Variants in MGAT4C observed in about 807,000 individuals in gnomAD.
The protein encoded by MGAT4C is alpha-1,3-mannosyl-glycoprotein 4-beta-N-acetylglucosaminyltransferase C.
MGAT4C carries 19 observed loss-of-function variants against 40.1 expected under a neutral mutation model. The ratio of observed to expected loss-of-function variants is 0.47; its 90% CI spans 0.33 to 0.70. The LOEUF (loss-of-function observed/expected upper bound fraction) is 0.70. MGAT4C is among the 30% of genes least tolerant of loss of function. The probability of loss-of-function intolerance (pLI) is 0.02; values close to 1 mark genes in which losing one functional copy is unlikely to be tolerated. For missense variants in MGAT4C, 491 were observed against 563.2 expected (o/e 0.87, Z 1.30); for synonymous variants, 181 against 187.1 (o/e 0.97, Z 0.27).
chr12:86,654,022 C>T (rs950315061), intron 2 of MGAT4C, among the ~76,000 whole-genome samples: 4 of 151,668 alleles, frequency 2.6e-5, no homozygotes, highest in African/African-American at 4.8e-5. Context: ...GAATACATTG[C>T]CATTTTTGCC....
At chr12:86,264,848 C>G (rs1952746266) in intron 4 of MGAT4C, among the ~76,000 whole-genome samples, 1 of 152,202 alleles carries the variant, frequency 6.6e-6, no homozygotes, top group South Asian at 2.1e-4. Flanking sequence ...CTGTCACAAA[C>G]CCAGTCGGCT....
At chr12:86,610,156 A>G (rs1377278490) in intron 2 of MGAT4C, among the ~76,000 whole-genome samples, 1 of 152,182 alleles carries the variant, frequency 6.6e-6, no homozygotes, top group Non-Finnish European at 1.5e-5. Flanking sequence ...AACAAATGCC[A>G]CAATTTGTGA....
chr12:86,110,293 AG>A (rs1565995986), intron 1 of MGAT4C, among the ~76,000 whole-genome samples: 10 of 10,060 alleles, frequency 9.9e-4, no homozygotes, highest in African/African-American at 1.4e-3. Flanking sequence ...ATATATATAT[AG>A]TCTCTCTATA....
intron 3 of MGAT4C, among the ~76,000 whole-genome samples, chr12:85,985,120 G>A (rs997915819): frequency 1.3e-5 from 2 of 152,144 alleles, no homozygotes; most frequent in African/African-American, 4.8e-5. Context: ...AGTCAAGCTA[G>A]GCATGTGCTA....
chr12:86,652,735 T>C (rs1450192659), intron 2 of MGAT4C, among the ~76,000 whole-genome samples: 1 of 151,954 alleles, frequency 6.6e-6, no homozygotes, highest in African/African-American at 2.4e-5. Flanking sequence ...GAGGAAAATT[T>C]AAATGCATAG....
chr12:86,431,804 C>A (rs1445548094), intron 3 of MGAT4C, among the ~76,000 whole-genome samples: 1 of 152,070 alleles, frequency 6.6e-6, no homozygotes, highest in Admixed American at 6.6e-5. Context: ...CACCTTCGCA[C>A]CATTGTACAC....
intron 4 of MGAT4C, among the ~76,000 whole-genome samples, chr12:86,269,773 G>T (rs7138786): frequency 0.07 from 10,715 of 152,090 alleles, 916 homozygotes; most frequent in East Asian, 0.25. Flanking sequence ...ATGGAGGAAA[G>T]AATGCATAAA....
chr12:86,271,016 T>TA (rs1302241703), intron 4 of MGAT4C, among the ~76,000 whole-genome samples: 3 of 152,022 alleles, frequency 2.0e-5, no homozygotes. Flanking sequence ...ACAATTAACT[T>TA]ACAACAAATT....
chr12:86,296,169 G>C (rs61950693), intron 4 of MGAT4C, among the ~76,000 whole-genome samples: 2 of 150,006 alleles, frequency 1.3e-5, no homozygotes, highest in African/African-American at 2.5e-5. Flanking sequence ...CCCTGAGCTA[G>C]ACATAAAGGT....
rs571249057 is a variant in MGAT4C at position 86,484,884 on chromosome 12, C to T, written c.-228-49619G>A. 8.5e-5 allele frequency among the ~76,000 whole-genome samples: 13 copies of T among 152,254 alleles called. No individual in the cohort carries two copies. The East Asian group carries it at 2.3e-3, about 27-fold the overall frequency. ...TTCCCCAGCCCACCAAAAAGCACCA[C>T]TGTGAATTCAATGAAATACAATATA... On this transcript the variant is annotated intron_variant, in intron 2 of 7. Coordinates refer to the MGAT4C transcript ENST00000548651.
At chr12:86,632,995 G>T (rs945000446) in intron 2 of MGAT4C, among the ~76,000 whole-genome samples, 1 of 151,758 alleles carries the variant, frequency 6.6e-6, no homozygotes, top group Non-Finnish European at 1.5e-5. Flanking sequence ...TTTATTATGG[G>T]TACTATATTG....
intron 1 of MGAT4C, among the ~76,000 whole-genome samples, chr12:86,799,889 G>C (rs1952195590): frequency 6.6e-6 from 1 of 151,838 alleles, no homozygotes; most frequent in African/African-American, 2.4e-5. Context: ...TGTCTCTCTT[G>C]AATTTGAGAG....
chr12:86,164,996 T>C (rs1416788137), intron 1 of MGAT4C, among the ~76,000 whole-genome samples: 1 of 152,172 alleles, frequency 6.6e-6, no homozygotes, highest in Non-Finnish European at 1.5e-5. Flanking sequence ...CTGGGACATA[T>C]GGTTGTTAAA....
intron 1 of MGAT4C, among the ~76,000 whole-genome samples, chr12:86,054,392 G>A (rs1893191081): frequency 6.6e-6 from 1 of 151,914 alleles, no homozygotes; most frequent in Non-Finnish European, 1.5e-5. Flanking sequence ...AAAAGTAAAG[G>A]ACAGTAGGAT....
chr12:86,193,445 A>T (rs1889745870), intron 1 of MGAT4C, among the ~76,000 whole-genome samples: 1 of 151,772 alleles, frequency 6.6e-6, no homozygotes, highest in African/African-American at 2.4e-5. Flanking sequence ...ATGCATTTTA[A>T]TTTTATATTT....
intron 1 of MGAT4C, among the ~76,000 whole-genome samples, chr12:86,737,827 G>T (rs1951010747): frequency 6.6e-6 from 1 of 150,832 alleles, no homozygotes; most frequent in East Asian, 2.0e-4. Flanking sequence ...AATACTACTG[G>T]CATTTCTTTC....
chr12:86,820,775 A>C (rs1224286087), intron 1 of MGAT4C, among the ~76,000 whole-genome samples: 1 of 150,928 alleles, frequency 6.6e-6, no homozygotes, highest in Non-Finnish European at 1.5e-5. Context: ...TGTGAAGGAT[A>C]TATTTGAGGA....
At chr12:86,015,471 G>A (rs1015977547) in intron 2 of MGAT4C, among the ~76,000 whole-genome samples, 1 of 152,120 alleles carries the variant, frequency 6.6e-6, no homozygotes, top group African/African-American at 2.4e-5. Context: ...GAAGGCAGAG[G>A]TCTGGCATCC....
intron 1 of MGAT4C, among the ~76,000 whole-genome samples, chr12:86,191,788 G>GTGTGTGTGTGTGTGTGTGTGTGT (rs10526767): frequency 7.6e-6 from 1 of 132,332 alleles, no homozygotes; most frequent in South Asian, 2.6e-4. Context: ...GTGTGTGTGT[G>GTGTGTGTGTGTGTGTGTGTGTGT]GTGTTTTCAG....
Sources: allele counts gnomAD v4.1 joint callset (sites outside exome capture counted in the v4.1 genomes callset), GRCh38; gene constraint gnomAD v4.1.1; transcripts MANE v1.5; gene names NCBI Gene and HGNC (gene_info 2026-07-23, HGNC 2026-07-21).